FGF12: variants seen among roughly 807,000 people sequenced by gnomAD.
The protein encoded by FGF12 is fibroblast growth factor 12.
A neutral mutation model predicts 23.6 loss-of-function variants in FGF12; 14 were observed. The ratio of observed to expected loss-of-function variants is 0.59; its 90% CI spans 0.39 to 0.93. The LOEUF (loss-of-function observed/expected upper bound fraction) is 0.93, where lower values mean the gene tolerates loss of function less well. FGF12 is among the 40% of genes least tolerant of loss of function. The probability of loss-of-function intolerance (pLI) is 0.00; values close to 1 mark genes in which losing one functional copy is unlikely to be tolerated. For synonymous variants in FGF12, 62 were observed against 77.3 expected, an observed-to-expected ratio of 0.80 and a Z score of 1.04; for missense variants, 175 against 217.8, an observed-to-expected ratio of 0.80 and a Z score of 1.24.
chr3:192,240,859 T>C (rs1405524945), intron 4 of FGF12, among the ~76,000 whole-genome samples: 3 of 152,188 alleles, frequency 2.0e-5, no homozygotes, highest in Non-Finnish European at 2.9e-5. Context: ...TTTTCTTAAG[T>C]TGTATCTTAT....
intron 2 of FGF12, among the ~76,000 whole-genome samples, chr3:192,571,991 C>G (rs1403012693): frequency 6.6e-6 from 1 of 150,926 alleles, no homozygotes; most frequent in Non-Finnish European, 1.5e-5. Context: ...TGTTAGCAAT[C>G]CTCATACATC....
At chr3:192,190,515 G>A (rs529004504) in intron 4 of FGF12, among the ~76,000 whole-genome samples, 59 of 112,806 alleles carry the variant, frequency 5.2e-4, no homozygotes, top group Middle Eastern at 9.3e-3. Context: ...TCGCTCTGTC[G>A]CCCAGGCTGG....
At chr3:192,518,215 TGACTTA>T (rs1346832592) in intron 2 of FGF12, among the ~76,000 whole-genome samples, 1 of 152,190 alleles carries the variant, frequency 6.6e-6, no homozygotes, top group African/African-American at 2.4e-5. Context: ...GTTTTCTAAT[TGACTTA>T]GACATCTTGG....
chr3:192,573,920 T>A (rs1277090441), intron 2 of FGF12, among the ~76,000 whole-genome samples: 1 of 152,188 alleles, frequency 6.6e-6, no homozygotes, highest in African/African-American at 2.4e-5. Flanking sequence ...GGAACAAAAG[T>A]TCAATAATAG....
At chr3:192,620,459 T>G (rs1382615296) in intron 2 of FGF12, among the ~76,000 whole-genome samples, 1 of 152,098 alleles carries the variant, frequency 6.6e-6, no homozygotes, top group Non-Finnish European at 1.5e-5. Context: ...TGCTGAGAAT[T>G]ATTTGCTTGG....
chr3:192,503,892 A>C (rs1350111998), intron 2 of FGF12, among the ~76,000 whole-genome samples: 1 of 152,140 alleles, frequency 6.6e-6, no homozygotes, highest in Non-Finnish European at 1.5e-5. Flanking sequence ...ATATGCATGT[A>C]TATGTTCATT....
chr3:192,439,087 C>T (rs1051536851), intron 2 of FGF12, among the ~76,000 whole-genome samples: 1 of 152,204 alleles, frequency 6.6e-6, no homozygotes, highest in African/African-American at 2.4e-5. Context: ...GCCTTTTTCA[C>T]ATTCTTATGG....
intron 2 of FGF12, among the ~76,000 whole-genome samples, chr3:192,453,814 T>A (rs936481281): frequency 6.6e-6 from 1 of 152,154 alleles, no homozygotes; most frequent in Non-Finnish European, 1.5e-5. Flanking sequence ...GATCAGTTAG[T>A]TAGCAAAATC....
chr3:192,524,009 CAT>C (rs1204254617), intron 2 of FGF12, among the ~76,000 whole-genome samples: 1 of 151,988 alleles, frequency 6.6e-6, no homozygotes, highest in Non-Finnish European at 1.5e-5. Context: ...AAAATTTTAA[CAT>C]AAGTCAACTC....
chr3:192,579,867 G>A (rs1053956996), intron 2 of FGF12, among the ~76,000 whole-genome samples: 1 of 152,238 alleles, frequency 6.6e-6, no homozygotes, highest in African/African-American at 2.4e-5. Flanking sequence ...ACTGCACCTG[G>A]CCCCACATGT....
intron 4 of FGF12, among the ~76,000 whole-genome samples, chr3:192,227,670 A>G (rs1718810145): frequency 6.6e-6 from 1 of 152,020 alleles, no homozygotes; most frequent in Admixed American, 6.6e-5. Flanking sequence ...TATGAAATTG[A>G]AGGAAAAATT....
intron 2 of FGF12, among the ~76,000 whole-genome samples, chr3:192,486,513 A>G (rs952664728): frequency 6.6e-6 from 1 of 152,108 alleles, no homozygotes; most frequent in Admixed American, 6.6e-5. Context: ...AAGAGGGAAC[A>G]AAAAATTAAA....
intron 2 of FGF12, among the ~76,000 whole-genome samples, chr3:192,609,124 T>C (rs1344662080): frequency 6.6e-6 from 1 of 152,100 alleles, no homozygotes; most frequent in African/African-American, 2.4e-5. Flanking sequence ...TCAAATAAAC[T>C]AAAATTCTGC....
At chr3:192,565,137 G>T (rs1712217309) in intron 2 of FGF12, among the ~76,000 whole-genome samples, 1 of 152,206 alleles carries the variant, frequency 6.6e-6, no homozygotes, top group South Asian at 2.1e-4. Flanking sequence ...GACAAATCAT[G>T]AGATGACTTT....
At chr3:192,183,694 T>G (rs1228216606) in intron 4 of FGF12, among the ~76,000 whole-genome samples, 1 of 152,216 alleles carries the variant, frequency 6.6e-6, no homozygotes, top group Non-Finnish European at 1.5e-5. Context: ...GTCCTCATCA[T>G]AGAATCCTTG....
At chr3:192,529,921 C>T (rs1291344865) in intron 2 of FGF12, among the ~76,000 whole-genome samples, 1 of 152,116 alleles carries the variant, frequency 6.6e-6, no homozygotes, top group African/African-American at 2.4e-5. Flanking sequence ...CAAACCATAT[C>T]AGTGAGGTGC....
In FGF12 at chr3:192,409,866, G is replaced by A. The variant is rs985732731; in HGVS notation, c.14-49328C>T. Among the ~76,000 whole-genome samples the A allele has an allele frequency of 7.2e-5, 11 of 151,946 alleles. 1 individual carries two copies. The highest frequency in any genetic ancestry group is 4.1e-4 in the South Asian group (2 of 4,828). ...TGCCAACTCGCCCAACTTGCTGCGC[G>A]GGTGGCCGCTCAGAGCCGCGGGCTT... On this transcript the variant is annotated intron_variant, in intron 2 of 5. Coordinates refer to ENST00000445105, the MANE Select transcript of FGF12 (RefSeq NM_004113.6). The surrounding 1 kb of genome is among the most constrained non-coding windows in gnomAD (Gnocchi z 4.8).
intron 2 of FGF12, among the ~76,000 whole-genome samples, chr3:192,700,441 T>C (rs1394199489): frequency 6.6e-6 from 1 of 152,196 alleles, no homozygotes; most frequent in African/African-American, 2.4e-5. Context: ...TGTCACATCA[T>C]AATAAAAAGA....
chr3:192,220,384 T>G (rs1718405995), intron 4 of FGF12, among the ~76,000 whole-genome samples: 1 of 152,290 alleles, frequency 6.6e-6, no homozygotes, highest in African/African-American at 2.4e-5. Flanking sequence ...TACTCCATAT[T>G]GACTTTTAAC....
Sources: allele counts gnomAD v4.1 joint callset (sites outside exome capture counted in the v4.1 genomes callset), GRCh38; gene constraint gnomAD v4.1.1; non-coding constraint Gnocchi (gnomAD v3.1); transcripts MANE v1.5; gene names NCBI Gene and HGNC (gene_info 2026-07-23, HGNC 2026-07-21).